Variants in SF1 observed in about 807,000 individuals in gnomAD.
The protein encoded by SF1 is branch point-binding protein.
SF1 carries 7 observed loss-of-function variants against 62.5 expected under a neutral mutation model. The observed-to-expected ratio is 0.11, with a 90% CI of 0.06 to 0.21. The LOEUF (loss-of-function observed/expected upper bound fraction) is 0.21. SF1 is among the 10% of genes least tolerant of loss of function. The pLI, the probability that SF1 is intolerant of heterozygous loss-of-function variation, is 1.00. For synonymous variants in SF1, 394 were observed against 323.6 expected (o/e 1.22, Z -2.33); for missense variants, 578 against 884.0 (o/e 0.65, Z 4.39).
At position 64,765,678 on chromosome 11, in the gene SF1, AGTGCGTGCACACACACAC is replaced by A; in HGVS notation, c.*122_*139del. On this transcript the variant is annotated 3_prime_UTR_variant, in exon 13 of 13. Transcript: ENST00000377390. ...AATCCTCAGTCGCTTGGCCCAGCCC[AGTGCGTGCACACACACAC>A]ATGCGTGCACACACAATCACATGCG... The A allele has an allele frequency of 2.7e-6, 4 of 1,471,458 alleles. No individual in the cohort carries two copies. Among genetic ancestry groups the A allele is most frequent in the Non-Finnish European group, 3.6e-6 (4 of 1,115,552 alleles). The allele number at this position is 1,471,458 out of a possible 1,614,324, so 91.2% of individuals were successfully genotyped here.
chr11:64,773,280 A>G (rs1423501921), intron 3 of SF1, 150 bp downstream of exon 3: 1 of 1,454,738 alleles, frequency 6.9e-7, no homozygotes, highest in Non-Finnish European at 9.0e-7. Flanking sequence ...GACCATACAT[A>G]TTTCTAATTA....
Position 64,778,443 on chromosome 11 carries a change from C to T in SF1, c.-51G>A, listed in dbSNP as rs763567519. On this transcript the variant is annotated 5_prime_UTR_variant, in exon 1 of 13. Transcript: ENST00000377390. ...ACCTGCTTTTCCTCTGCGGCGGCTTCTCCTTCGCAAGCCTCCCGGGGGGAG... is the reference window on the plus strand; with the variant it reads ...ACCTGCTTTTCCTCTGCGGCGGCTTTTCCTTCGCAAGCCTCCCGGGGGGAG... 46 of 1,218,550 alleles carry T rather than the reference C, an allele frequency of 3.8e-5. No individual in the cohort carries two copies. The highest frequency in any genetic ancestry group is 4.3e-5 in the Admixed American group (1 of 23,182). 75.5% of individuals were successfully genotyped at this position (1,218,550 alleles called of 1,614,324 possible). A position where few individuals can be genotyped will look rare whatever the true frequency, so the allele number is the denominator to read the frequency against.
intron 3 of SF1, chr11:64,770,685 A>C (rs1260716756): frequency 2.0e-5 from 6 of 300,382 alleles, no homozygotes; most frequent in Non-Finnish European, 1.3e-5. Flanking sequence ...TTTGGGGAAA[A>C]TCTTTGGACT....
At position 64,765,651 on chromosome 11, in the gene SF1, C is replaced by A. The variant is rs71581780; in HGVS notation, c.*167G>T. The A allele has an allele frequency of 3.4e-6, 5 of 1,489,218 alleles. No individual in the cohort carries two copies. The highest frequency in any genetic ancestry group is 4.7e-5 in the East Asian group (2 of 42,782). The allele number at this position is 1,489,218 out of a possible 1,614,324, so 92.3% of individuals were successfully genotyped here. On this transcript the variant is annotated 3_prime_UTR_variant, in exon 13 of 13. Coordinates refer to ENST00000377390, the MANE Select transcript of SF1 (RefSeq NM_004630.4). ...CTACTACCACCTGCCCGTTCCCAAG[C>A]GAATCCTCAGTCGCTTGGCCCAGCC...
chr11:64,765,360 C>A lies in SF1; in HGVS notation c.*458G>T. 2.3e-6 allele frequency: 2 copies of A among 855,912 alleles called. No individual in the cohort carries two copies. The highest frequency in any genetic ancestry group is 3.9e-6 in the Non-Finnish European group (2 of 509,922). The allele number at this position is 855,912 out of a possible 1,614,324, so 53.0% of individuals were successfully genotyped here. A position where few individuals can be genotyped will look rare whatever the true frequency, so the allele number is the denominator to read the frequency against. The stretch of plus-strand genomic sequence containing the variant: ...TAAAAATTTCACGATATGGAGCCAG[C>A]GTGTTCCGATTCCGTCCACAAAAAT... On this transcript the variant is annotated 3_prime_UTR_variant, in exon 13 of 13. Coordinates refer to ENST00000377390, the MANE Select transcript of SF1 (RefSeq NM_004630.4).
intron 1 of SF1, chr11:64,778,124 G>A: frequency 1.2e-6 from 1 of 847,236 alleles, no homozygotes; most frequent in Non-Finnish European, 1.5e-6. Flanking sequence ...GCCGGGGGAC[G>A]GTGGCGGTGG....
chr11:64,776,451 A>G (rs1012192008), intron 2 of SF1, 47 bp downstream of exon 2: 4 of 1,560,254 alleles, frequency 2.6e-6, no homozygotes, highest in Non-Finnish European at 3.5e-6. Flanking sequence ...GCTCAGAATA[A>G]ATCGTAACAA....
rs761350580 is a variant in SF1, at chr11:64,767,735, C to A, written c.1178G>T (p.Gly393Val). 5 of 1,612,748 alleles carry A rather than the reference C, an allele frequency of 3.1e-6. No individual in the cohort carries two copies. The highest frequency in any genetic ancestry group is 4.2e-6 in the Non-Finnish European group (5 of 1,179,500). Reference protein sequence around the residue: ...HGGGPGGPGGGPHSFPHPLPS... With the variant: ...HGGGPGGPGGVPHSFPHPLPS... ...TAATGGGTGTGGGAAGCTGTGGGGG[C>A]CACCTCCGGGCCCACCAGGACCACC... is the stretch of plus-strand genomic sequence containing the variant. The change falls in exon 10 of 13, where the codon GGC becomes GTC. Residue 393 changes from glycine to valine, a missense_variant. Gly to Val is a moderately radical substitution (Grantham distance 109). Transcript: ENST00000377390.
Position 64,770,427 on chromosome 11 carries a change from C to A in SF1, c.237-19G>T. The A allele has an allele frequency of 6.2e-7, 1 of 1,607,504 alleles. No homozygotes were observed. Among genetic ancestry groups the A allele is most frequent in the African/African-American group, 1.3e-5 (1 of 74,896 alleles). ...AGGGGACCTGTGGGAAACAGACTCC[C>A]GTTTACTATTCTGCACCGACTTCTC... On this transcript the variant is annotated intron_variant, in intron 3 of 12. Coordinates refer to ENST00000377390, the MANE Select transcript of SF1 (RefSeq NM_004630.4).
Position 64,765,546 on chromosome 11 carries a change from A to C in SF1, c.*272T>G, listed in dbSNP as rs780534412. 1.6e-4 allele frequency: 250 copies of C among 1,598,086 alleles called. 2 individuals carry two copies. The East Asian group carries it at 5.6e-3, about 36-fold the overall frequency. On this transcript the variant is annotated 3_prime_UTR_variant, in exon 13 of 13. Coordinates refer to ENST00000377390, the MANE Select transcript of SF1 (RefSeq NM_004630.4). ...GGCGGCCCGGTTTGGGGAGAGGCAA[A>C]GGGAGTTGGGTGAGGAGAGAAAGAA...
Position 64,765,890 on chromosome 11 carries a change from C to G in SF1, c.1848G>C (p.Met616Ile), listed in dbSNP as rs963128263. The G allele has an allele frequency of 7.7e-6, 12 of 1,564,384 alleles. No individual in the cohort carries two copies. The highest frequency in any genetic ancestry group is 1.4e-5 in the African/African-American group (1 of 73,622). ...GCGGCATGCCCGCCACCCCCATGCCCATCATGGTGACAAAGTTAGAAGGGT... is the reference window on the plus strand; with the variant it reads ...GCGGCATGCCCGCCACCCCCATGCCGATCATGGTGACAAAGTTAGAAGGGT... The part of the protein sequence containing the change: ...PMDPSNFVTM[M>I]GMGVAGMPPF... The change falls in exon 13 of 13, where the codon ATG becomes ATC. Residue 616 changes from methionine to isoleucine, a missense_variant. Transcript: ENST00000377390.
chr11:64,774,674 T>C (rs1381866850), intron 2 of SF1, among the ~76,000 whole-genome samples: 2 of 151,918 alleles, frequency 1.3e-5, no homozygotes, highest in Non-Finnish European at 2.9e-5. Flanking sequence ...CGAAAGAAAA[T>C]ACTGGCCGGG....
At position 64,766,050 on chromosome 11, in the gene SF1, T is replaced by G. The variant is rs1281319587; in HGVS notation, c.1688A>C (p.Asn563Thr). 12 of 1,610,798 alleles carry G rather than the reference T, an allele frequency of 7.4e-6. No homozygotes were observed. Among genetic ancestry groups the G allele is most frequent in the Non-Finnish European group, 1.0e-5 (12 of 1,179,342 alleles). Residue 563 changes from asparagine to threonine, a missense_variant, in exon 13 of 13, where the codon AAC becomes ACC. Around this residue, in one of 7 missense-constraint regions of SF1, gnomAD observed 410 missense variants for 452.4 expected, o/e 0.91. Coordinates refer to ENST00000377390, the MANE Select transcript of SF1 (RefSeq NM_004630.4). The part of the protein sequence containing the change: ...ASPGAPQMQG[N>T]PTMVPLPPGV... ...GGGGGGCAGGGGCACCATAGTGGGGTTGCCTTGCATCTGAGGGGCTCCTGG... is the reference window on the plus strand; with the variant it reads ...GGGGGGCAGGGGCACCATAGTGGGGGTGCCTTGCATCTGAGGGGCTCCTGG...
intron 3 of SF1, chr11:64,771,649 T>C: frequency 2.0e-6 from 2 of 985,440 alleles, no homozygotes; most frequent in Non-Finnish European, 2.4e-6. Context: ...TTGTATAAAC[T>C]GTTAGCACAA....
chr11:64,776,280 T>C (rs1211590327), intron 2 of SF1: 7 of 499,612 alleles, frequency 1.4e-5, no homozygotes, highest in Non-Finnish European at 2.5e-5. Flanking sequence ...CCTACCTTCC[T>C]GATACTCATG....
chr11:64,767,956 A>C, intron 9 of SF1, 112 bp from the exon 10 acceptor site: 4 of 1,478,106 alleles, frequency 2.7e-6, no homozygotes, highest in Non-Finnish European at 3.6e-6. Context: ...TCCCGAAGTG[A>C]GAAGTCCCCA....
Position 64,777,451 on chromosome 11 carries a change from AAG to A in SF1, c.32-827_32-826del, listed in dbSNP as rs902056028. 3.6e-5 allele frequency: 35 copies of A among 973,418 alleles called. No homozygotes were observed. The African/African-American group carries it at 5.6e-4, about 16-fold the overall frequency. 60.3% of individuals were successfully genotyped at this position (973,418 alleles called of 1,614,324 possible). A position where few individuals can be genotyped will look rare whatever the true frequency, so the allele number is the denominator to read the frequency against. ...AAACAAACTAAAATTCTCTCCCCAA[AAG>A]AGACCAAGAAAGATCAGACCCAACC... On this transcript the variant is annotated intron_variant, in intron 1 of 12. Coordinates refer to ENST00000377390, the MANE Select transcript of SF1 (RefSeq NM_004630.4).
chr11:64,770,134 C>A, intron 4 of SF1, 81 bp from the exon 5 acceptor site: 1 of 1,546,066 alleles, frequency 6.5e-7, no homozygotes, highest in Non-Finnish European at 8.9e-7. Context: ...AATATTGGTA[C>A]CAAGTGCTAA....
chr11:64,775,886 C>A (rs1041528281), intron 2 of SF1, among the ~76,000 whole-genome samples: 2 of 152,170 alleles, frequency 1.3e-5, no homozygotes, highest in African/African-American at 4.8e-5. Flanking sequence ...CAGCAGAGTT[C>A]TTTAAAAGTA....
Sources: allele counts gnomAD v4.1 joint callset (sites outside exome capture counted in the v4.1 genomes callset), GRCh38; gene constraint gnomAD v4.1.1; regional missense constraint gnomAD v4.1.1; transcripts MANE v1.5; gene names NCBI Gene and HGNC (gene_info 2026-07-23, HGNC 2026-07-21).